ARSL: variants seen among roughly 807,000 people sequenced by gnomAD.
The protein encoded by ARSL is arylsulfatase E (chondrodysplasia punctata 1).
ARSL carries 4 observed loss-of-function variants against 31.1 expected under a neutral mutation model. The ratio of observed to expected loss-of-function variants is 0.13; its 90% CI spans 0.06 to 0.29. The LOEUF (loss-of-function observed/expected upper bound fraction) is 0.29, where lower values mean the gene tolerates loss of function less well. ARSL is among the 10% of genes least tolerant of loss of function. The pLI, the probability that ARSL is intolerant of heterozygous loss-of-function variation, is 1.00. For missense variants in ARSL, 312 were observed against 497.8 expected (o/e 0.63, Z 3.55); for synonymous variants, 198 against 209.9 (o/e 0.94, Z 0.49).
intron 7 of ARSL, among the ~76,000 whole-genome samples, chrX:2,944,266 C>T (rs187395576): frequency 1.0e-3 from 113 of 109,058 alleles, no homozygotes; most frequent in East Asian, 2.6e-3. Context: ...CCAGCCTGGC[C>T]AACATGGTGA....
intron 2 of ARSL, chrX:2,959,518 TG>T (rs2089573467): frequency 9.3e-7 from 1 of 1,070,854 alleles, no homozygotes; most frequent in Non-Finnish European, 1.2e-6. Flanking sequence ...AGATGTAATC[TG>T]AGTCTCCAAG....
Position 2,938,039 on chromosome X carries a change from C to T in ARSL, c.1289+56G>A, listed in dbSNP as rs182684120. 8.7e-4 allele frequency: 1,053 copies of T among 1,203,464 alleles called. 4 individuals carry two copies. Among genetic ancestry groups the T allele is most frequent in the African/African-American group, 5.4e-3 (310 of 57,330 alleles). On this transcript the variant is annotated intron_variant, in intron 9 of 10. Transcript: ENST00000381134. ...AAGCCAAAGTGACATGTTCATTTGC[C>T]ATAAGTGTTGCTGTGTCTGTGCAAA...
At chrX:2,935,692 C>CT (rs61012417) in intron 10 of ARSL, among the ~76,000 whole-genome samples, 87 of 40,383 alleles carry the variant, frequency 2.2e-3, no homozygotes, top group Non-Finnish European at 3.0e-3. Flanking sequence ...CTTTTCTTTT[C>CT]TTTTTTTTTT....
upstream of ARSL, among the ~76,000 whole-genome samples, chrX:2,967,009 C>A (rs1454293508): frequency 1.8e-5 from 2 of 110,859 alleles, no homozygotes; most frequent in African/African-American, 6.5e-5. Context: ...AATATATGTA[C>A]TTTTTAAAGT....
upstream of ARSL, among the ~76,000 whole-genome samples, chrX:2,965,020 G>A (rs762675512): frequency 9.1e-6 from 1 of 110,089 alleles, no homozygotes; most frequent in East Asian, 2.9e-4. Flanking sequence ...TGGAAAGATT[G>A]TTTGAGCCTG....
In ARSL at chrX:2,950,064, C is replaced by T. The variant is rs772273828; in HGVS notation, c.431-337G>A. Among the ~76,000 whole-genome samples the T allele has an allele frequency of 5.4e-5, 6 of 112,010 alleles. 1 individual carries two copies. The East Asian group carries it at 1.7e-3, about 32-fold the overall frequency. ...GATCAAAGTGTCTCCAGGCCACACT[C>T]AAATTGGAGGCTCTAGGGGAGGATC... On this transcript the variant is annotated intron_variant, in intron 5 of 10. Coordinates refer to ENST00000381134, the MANE Select transcript of ARSL (RefSeq NM_000047.3).
At chrX:2,937,159 C>T (rs1434601740) in intron 9 of ARSL, among the ~76,000 whole-genome samples, 2 of 111,371 alleles carry the variant, frequency 1.8e-5, no homozygotes, top group East Asian at 2.8e-4. Context: ...TTTGGGAGGT[C>T]GAGGCGGGTG....
intron 1 of ARSL, 155 bp from the exon 2 acceptor site, chrX:2,960,575 A>G: frequency 1.9e-6 from 1 of 515,124 alleles, no homozygotes; most frequent in Non-Finnish European, 3.2e-6. Context: ...CTATAAAGGA[A>G]TGCTCTTCCC....
Position 2,956,913 on chromosome X carries a change from A to AT in ARSL, c.185+1360dup, listed in dbSNP as rs1038149934. Among the ~76,000 whole-genome samples, 11 of 105,570 alleles carry AT rather than the reference A, an allele frequency of 1.0e-4. 1 individual carries two copies. The East Asian group carries it at 1.8e-3, about 18-fold the overall frequency. 91.7% of individuals were successfully genotyped at this position (105,570 alleles called of 115,157 possible). A position where few individuals can be genotyped will look rare whatever the true frequency, so the allele number is the denominator to read the frequency against. ...AGGTGCATGCCATCATGCCTGGCTA[A>AT]TTTTTTTTTTAATTTAAAAATTAAT... On this transcript the variant is annotated intron_variant, in intron 3 of 10. Transcript: ENST00000381134.
At position 2,935,826 on chromosome X, in the gene ARSL, C is replaced by T. The variant is rs145945965; in HGVS notation, c.1412-636G>A. Among the ~76,000 whole-genome samples the T allele has an allele frequency of 1.4e-3, 150 of 109,184 alleles. 4 individuals are homozygous for T. In the East Asian group the frequency reaches 0.041, roughly 30 times the overall value. 94.8% of individuals were successfully genotyped at this position (109,184 alleles called of 115,157 possible). On this transcript the variant is annotated intron_variant, in intron 10 of 10. Coordinates refer to ENST00000381134, the MANE Select transcript of ARSL (RefSeq NM_000047.3). Reference sequence around the variant, plus strand: ...ACAAGTAGCTGGGATTACAGGAGTGCGCCTGTAATTGTTCACAAAGAAGAT... The same window carrying T: ...ACAAGTAGCTGGGATTACAGGAGTGTGCCTGTAATTGTTCACAAAGAAGAT...
At chrX:2,965,240 CCTGTAATTCCAGCA>C (rs2089687977), upstream of ARSL, among the ~76,000 whole-genome samples, 1 of 111,779 alleles carries the variant, frequency 8.9e-6, no homozygotes, top group African/African-American at 3.2e-5. Context: ...GTGGCTCATG[CCTGTAATTCCAGCA>C]CTTTGGGAGG....
intron 6 of ARSL, among the ~76,000 whole-genome samples, chrX:2,946,504 AAT>A (rs2089385053): frequency 1.4e-5 from 1 of 70,119 alleles, no homozygotes; most frequent in Non-Finnish European, 2.7e-5. Flanking sequence ...AGGCCCAGCT[AAT>A]TTTTTTTTTT....
At chrX:2,968,235 AGACAC>A, upstream of ARSL, 3 of 1,096,688 alleles carry the variant, frequency 2.7e-6, no homozygotes. Flanking sequence ...CTGCCAAAAC[AGACAC>A]GCACTGGCTG....
In ARSL at chrX:2,943,621, A is replaced by C. The variant is rs942421420; in HGVS notation, c.992-422T>G. On this transcript the variant is annotated intron_variant, in intron 7 of 10. Coordinates refer to ENST00000381134, the MANE Select transcript of ARSL (RefSeq NM_000047.3). Reference sequence around the variant, plus strand: ...GCCGGGCGTGGTGGCACATGCTTGTAGTACCAGCTACTTGGGAGGCTGAGG... The same window carrying C: ...GCCGGGCGTGGTGGCACATGCTTGTCGTACCAGCTACTTGGGAGGCTGAGG... 3.7e-5 allele frequency among the ~76,000 whole-genome samples: 4 copies of C among 108,095 alleles called. No individual in the cohort carries two copies. In the South Asian group the frequency reaches 1.3e-3, roughly 34 times the overall value. The allele number at this position is 108,095 out of a possible 115,157, so 93.9% of individuals were successfully genotyped here.
intron 8 of ARSL, among the ~76,000 whole-genome samples, chrX:2,940,970 C>A (rs993105650): frequency 3.6e-5 from 4 of 111,079 alleles, no homozygotes; most frequent in African/African-American, 1.3e-4. Flanking sequence ...ATAAATTTTA[C>A]GAATGAAAAT....
At chrX:2,942,669 T>G (rs1327047642) in intron 8 of ARSL, among the ~76,000 whole-genome samples, 2 of 111,811 alleles carry the variant, frequency 1.8e-5, no homozygotes, top group East Asian at 5.6e-4. Flanking sequence ...TAGTTACAGA[T>G]TAGAAGAAGT....
intron 5 of ARSL, among the ~76,000 whole-genome samples, chrX:2,951,846 C>G (rs1399121785): frequency 1.0e-5 from 1 of 95,771 alleles, no homozygotes; most frequent in Non-Finnish European, 2.1e-5. Flanking sequence ...CTTTGTTTGA[C>G]AGCGATGACT....
intron 7 of ARSL, among the ~76,000 whole-genome samples, chrX:2,944,378 C>T (rs374542409): frequency 5.7e-5 from 6 of 105,653 alleles, no homozygotes; most frequent in Non-Finnish European, 5.8e-5. Flanking sequence ...TGCTTGAACC[C>T]GGGAGGCGGA....
chrX:2,965,639 G>A (rs943333236), upstream of ARSL, among the ~76,000 whole-genome samples: 3 of 111,985 alleles, frequency 2.7e-5, no homozygotes, highest in Admixed American at 9.4e-5. Context: ...GGTGGCTCAC[G>A]CCTGTAATCC....
Sources: allele counts gnomAD v4.1 joint callset (sites outside exome capture counted in the v4.1 genomes callset), GRCh38; gene constraint gnomAD v4.1.1; transcripts MANE v1.5; gene names NCBI Gene and HGNC (gene_info 2026-07-23, HGNC 2026-07-21).